Variants in ITGAD observed in about 807,000 individuals in gnomAD.
The protein encoded by ITGAD is integrin alpha-D.
A neutral mutation model predicts 139.0 loss-of-function variants in ITGAD; 105 were observed. That is an observed-to-expected ratio of 0.76 (90% CI 0.65 to 0.89). The LOEUF (loss-of-function observed/expected upper bound fraction) is 0.89, where lower values mean the gene tolerates loss of function less well. ITGAD is among the 40% of genes least tolerant of loss of function. ITGAD has a pLI of 0.00. For synonymous variants in ITGAD, 569 were observed against 598.3 expected, an observed-to-expected ratio of 0.95 and a Z score of 0.71; for missense variants, 1,384 against 1,487.3, an observed-to-expected ratio of 0.93 and a Z score of 1.14.
At chr16:31,405,854 G>T (rs2081526563) in intron 7 of ITGAD, among the ~76,000 whole-genome samples, 2 of 152,046 alleles carry the variant, frequency 1.3e-5, no homozygotes, top group African/African-American at 4.8e-5. Flanking sequence ...TATTGCCCAG[G>T]CTGGTCTTGA....
At chr16:31,413,567 T>G (rs776309655) in intron 16 of ITGAD, among the ~76,000 whole-genome samples, 2 of 152,144 alleles carry the variant, frequency 1.3e-5, no homozygotes, top group Non-Finnish European at 2.9e-5. Flanking sequence ...CCACCCATTT[T>G]CCACAGAGGA....
intron 16 of ITGAD, 24 bp downstream of exon 16, chr16:31,413,270 C>T (rs2081786187): frequency 1.2e-6 from 2 of 1,610,800 alleles, no homozygotes; most frequent in Non-Finnish European, 1.7e-6. Context: ...ATAAAGGGGG[C>T]CCAGGCCCCT....
chr16:31,424,417 G>A (rs368314713), intron 28 of ITGAD, 50 bp from the exon 29 acceptor site: 2 of 1,478,652 alleles, frequency 1.4e-6, no homozygotes, highest in Non-Finnish European at 1.9e-6. Context: ...CGGAACCTGG[G>A]AGGCATCTGG....
chr16:31,424,360 C>A, intron 28 of ITGAD, 107 bp from the exon 29 acceptor site: 1 of 1,252,822 alleles, frequency 8.0e-7, no homozygotes. Flanking sequence ...CTGTGTCTCA[C>A]TCCTTGGAGC....
At chr16:31,401,984 G>T in intron 5 of ITGAD, 131 bp from the exon 6 acceptor site, 2 of 956,794 alleles carry the variant, frequency 2.1e-6, no homozygotes, top group Non-Finnish European at 3.1e-6. Context: ...GCAGACTGGG[G>T]CCTCCTCCAA....
intron 4 of ITGAD, 31 bp downstream of exon 4, chr16:31,397,697 G>A: frequency 1.4e-6 from 2 of 1,456,188 alleles, no homozygotes; most frequent in Non-Finnish European, 1.9e-6. Flanking sequence ...ACGGGGGGGT[G>A]GGGTGGGGCG....
chr16:31,401,610 G>T (rs1159991462), intron 5 of ITGAD, among the ~76,000 whole-genome samples: 4 of 152,204 alleles, frequency 2.6e-5, no homozygotes, highest in Non-Finnish European at 5.9e-5. Context: ...CTGGCAGAGG[G>T]CCAGGACTTG....
Position 31,410,740 on chromosome 16 carries a change from C to G in ITGAD, c.1218C>G (p.Tyr406Ter). 6.2e-7 allele frequency: 1 copy of G among 1,610,746 alleles called. No homozygotes were observed. The highest frequency in any genetic ancestry group is 8.5e-7 in the Non-Finnish European group (1 of 1,178,956). ...NVDMRDSYLG[Y>*]STELALWKGV... is the part of the protein sequence containing the mutation. Reference sequence around the variant, plus strand: ...GCTGAGGCCTGGGCCCCTCAGGTTACTCCACCGAGCTAGCCCTGTGGAAGG... The same window carrying G: ...GCTGAGGCCTGGGCCCCTCAGGTTAGTCCACCGAGCTAGCCCTGTGGAAGG... Residue 406 changes from tyrosine (Y) to a stop codon, truncating the protein, a stop_gained, in exon 12 of 30, where the codon TAC (tyrosine) becomes TAG (stop). Transcript: ENST00000389202. LOFTEE classifies it high-confidence loss of function.
At chr16:31,416,784 C>T in intron 20 of ITGAD, 138 bp downstream of exon 20, 1 of 779,636 alleles carries the variant, frequency 1.3e-6, no homozygotes, top group Non-Finnish European at 2.0e-6. Flanking sequence ...CACATACACA[C>T]AGAGAAAGTG....
At chr16:31,411,251 C>T (rs752416764) in intron 13 of ITGAD, 35 bp downstream of exon 13, 23 of 1,609,660 alleles carry the variant, frequency 1.4e-5, no homozygotes, top group Non-Finnish European at 1.7e-5. Flanking sequence ...TGGGTGGGGT[C>T]CGGTGTGAGT....
chr16:31,416,412 G>C, intron 19 of ITGAD, 93 bp from the exon 20 acceptor site: 2 of 1,537,084 alleles, frequency 1.3e-6, no homozygotes, highest in South Asian at 2.3e-5. Flanking sequence ...TATTGGCCCA[G>C]AGCTCCAGAG....
chr16:31,402,661 G>C (rs2081437436), intron 6 of ITGAD: 1 of 162,688 alleles, frequency 6.1e-6, no homozygotes, highest in Non-Finnish European at 1.3e-5. Context: ...GCAGTGTGGG[G>C]GTGCAATCAT....
At chr16:31,398,327 A>G (rs1238718973) in intron 5 of ITGAD, among the ~76,000 whole-genome samples, 1 of 151,722 alleles carries the variant, frequency 6.6e-6, no homozygotes, top group Non-Finnish European at 1.5e-5. Context: ...CTCGGGAGGC[A>G]GAGACAGAAG....
rs969316940 is a variant in ITGAD, at chr16:31,410,641, G to A, written c.1214-95G>A. On this transcript the variant is annotated intron_variant, in intron 11 of 29. Transcript: ENST00000389202. ...GCCTGGGGTGGGTTCCAGGGTTCTG[G>A]GGAGGGGAGATGGGGGCTGCGCTGC... The A allele has an allele frequency of 3.9e-5, 60 of 1,551,820 alleles. No homozygotes were observed. The Middle Eastern group carries it at 7.1e-4, about 18-fold the overall frequency.
Position 31,410,378 on chromosome 16 carries a change from G to GA in ITGAD, c.1084-15dup. 1 of 1,613,926 alleles carries GA rather than the reference G, an allele frequency of 6.2e-7. No individual in the cohort carries two copies. The highest frequency in any genetic ancestry group is 8.5e-7 in the Non-Finnish European group (1 of 1,179,910). ...CCGCTCTAGTCTCTGCCCAGCCCTG[G>GA]AATTCTTTCCTCCCAGGATGGCCTC... On this transcript the variant is annotated splice_polypyrimidine_tract_variant and intron_variant, in intron 10 of 29. Coordinates refer to ENST00000389202, the MANE Select transcript of ITGAD (RefSeq NM_005353.3).
chr16:31,413,351 T>C, intron 16 of ITGAD, 105 bp downstream of exon 16: 2 of 1,213,968 alleles, frequency 1.6e-6, no homozygotes, highest in Non-Finnish European at 2.3e-6. Context: ...ACCTCCACAT[T>C]CACTCACCAC....
At chr16:31,421,980 G>A (rs2082015750) in intron 23 of ITGAD, among the ~76,000 whole-genome samples, 2 of 152,174 alleles carry the variant, frequency 1.3e-5, no homozygotes, top group African/African-American at 4.8e-5. Flanking sequence ...ACCCAGGCTG[G>A]AGGGGAGTGG....
chr16:31,410,600 G>T, intron 11 of ITGAD, 76 bp downstream of exon 11: 1 of 1,595,796 alleles, frequency 6.3e-7, no homozygotes, highest in South Asian at 1.1e-5. Context: ...TGGGGAGGGG[G>T]GATGGGCGCT....
chr16:31,426,277 G>T lies in ITGAD; in HGVS notation c.*149G>T, dbSNP rs2082114003. The T allele has an allele frequency of 3.4e-6, 2 of 584,394 alleles. No homozygotes were observed. Among genetic ancestry groups the T allele is most frequent in the East Asian group, 5.8e-5 (2 of 34,190 alleles). 36.2% of individuals were successfully genotyped at this position (584,394 alleles called of 1,614,324 possible). The stretch of plus-strand genomic sequence containing the variant: ...GCACCTTCTCGGAGAGATAGAGATT[G>T]TAATGTTTTTACATATCTGTCCATC... On this transcript the variant is annotated 3_prime_UTR_variant, in exon 30 of 30. Transcript: ENST00000389202.
Sources: gnomAD v4.1 joint callset for allele counts (sites outside exome capture counted in the v4.1 genomes callset) on GRCh38, gnomAD v4.1.1 for gene constraint, MANE v1.5 for transcripts, NCBI Gene and HGNC (gene_info 2026-07-23, HGNC 2026-07-21) for gene names.